Variants in EDC3 observed in about 807,000 individuals in gnomAD.
EDC3 encodes enhancer of mRNA decapping 3.
EDC3 carries 20 observed loss-of-function variants against 41.8 expected under a neutral mutation model. The observed-to-expected ratio is 0.48, with a 90% confidence interval of 0.34 to 0.70. The LOEUF (loss-of-function observed/expected upper bound fraction) is 0.70, where lower values mean the gene tolerates loss of function less well. EDC3 is among the 30% of genes least tolerant of loss of function. EDC3 has a pLI of 0.01. For missense variants in EDC3, 444 were observed against 636.8 expected, an observed-to-expected ratio of 0.70 and a Z score of 3.26; for synonymous variants, 206 against 243.2, an observed-to-expected ratio of 0.85 and a Z score of 1.42.
rs972693123 is a variant in EDC3 at position 74,635,723 on chromosome 15, T to G, written c.975-97A>C. 3 of 1,154,076 alleles carry G rather than the reference T, an allele frequency of 2.6e-6. No homozygotes were observed. In the East Asian group the frequency reaches 7.6e-5, roughly 29 times the overall value. The allele number at this position is 1,154,076 out of a possible 1,614,324, so 71.5% of individuals were successfully genotyped here. ...GCCTGTAGCACCTATTGGTCTCAGA[T>G]CTCTTACCCACTGCTCACCAAGTCC... On this transcript the variant is annotated intron_variant, in intron 5 of 6. Coordinates refer to ENST00000315127, the MANE Select transcript of EDC3 (RefSeq NM_025083.5).
chr15:74,679,140 T>C (rs903910222), intron 1 of EDC3, among the ~76,000 whole-genome samples: 6 of 151,782 alleles, frequency 4.0e-5, no homozygotes, highest in Non-Finnish European at 8.8e-5. Context: ...AGGTTGCAGT[T>C]AGCCAAGATC....
rs919117668 is a variant in EDC3, at chr15:74,671,297, G to A, written c.484+158C>T. Among the ~76,000 whole-genome samples the A allele has an allele frequency of 1.5e-4, 23 of 152,328 alleles. 1 individual carries two copies. In the South Asian group the frequency reaches 1.9e-3, roughly 12 times the overall value. ...CCTTTCCCTTAACATCTTGAGGAAT[G>A]AGGCCTGGAGGAAGAGAACCATGTT... On this transcript the variant is annotated intron_variant, in intron 3 of 6. Transcript: ENST00000315127. The surrounding 1 kb of genome is among the most constrained non-coding windows in gnomAD (Gnocchi z 4.6).
At chr15:74,695,204 G>C (rs1470564024) in intron 1 of EDC3, 2 of 152,054 alleles carry the variant, frequency 1.3e-5, no homozygotes, top group African/African-American at 4.8e-5. Context: ...CAATTGAAGA[G>C]TTAGGCGAAG....
chr15:74,662,941 C>A (rs1381314982), intron 3 of EDC3, among the ~76,000 whole-genome samples: 25 of 152,198 alleles, frequency 1.6e-4, no homozygotes, highest in Admixed American at 1.5e-3. Flanking sequence ...GCAGGTCAGA[C>A]TTGCCAAATG....
chr15:74,687,815 C>T (rs74025822), intron 1 of EDC3, among the ~76,000 whole-genome samples: 2,567 of 152,308 alleles, frequency 0.017, 81 homozygotes, highest in African/African-American at 0.058. Flanking sequence ...CCTTTCCTAT[C>T]ATTTATAATC....
intron 5 of EDC3, chr15:74,637,431 C>T (rs2062287752): frequency 6.6e-6 from 1 of 152,234 alleles, no homozygotes; most frequent in South Asian, 2.1e-4. Flanking sequence ...GTGCAGGAGA[C>T]ACCAGACACA....
intron 3 of EDC3, among the ~76,000 whole-genome samples, chr15:74,661,825 T>TAATTC (rs1284454613): frequency 4.1e-5 from 6 of 147,186 alleles, no homozygotes; most frequent in Non-Finnish European, 9.1e-5. Flanking sequence ...GTCAAATAAA[T>TAATTC]AATTCAAAGG....
chr15:74,640,828 T>G, intron 4 of EDC3: 1 of 605,166 alleles, frequency 1.7e-6, no homozygotes, highest in Non-Finnish European at 2.8e-6. Context: ...TTGTTCCAGG[T>G]CACCACAGAG....
At chr15:74,689,558 T>G (rs2062979040) in intron 1 of EDC3, among the ~76,000 whole-genome samples, 1 of 152,106 alleles carries the variant, frequency 6.6e-6, no homozygotes, top group African/African-American at 2.4e-5. Context: ...GGAGTCTCGC[T>G]CTTTCGCCCA....
chr15:74,648,035 T>C (rs1426810398), intron 4 of EDC3, among the ~76,000 whole-genome samples: 6 of 152,134 alleles, frequency 3.9e-5, no homozygotes, highest in Admixed American at 3.3e-4. Context: ...GTTGGGTCTA[T>C]GGGTGAGAAG....
At chr15:74,693,782 G>A (rs1485045708) in intron 1 of EDC3, among the ~76,000 whole-genome samples, 2 of 152,032 alleles carry the variant, frequency 1.3e-5, no homozygotes, top group South Asian at 2.1e-4. Context: ...TCGGGAGTTC[G>A]AGACCAGCCC....
chr15:74,655,585 C>T, intron 4 of EDC3, 148 bp downstream of exon 4: 2 of 760,536 alleles, frequency 2.6e-6, no homozygotes, highest in Non-Finnish European at 4.1e-6. Flanking sequence ...GGCTGCAATC[C>T]CCAAGAGACA....
At chr15:74,650,864 G>C (rs959341960) in intron 4 of EDC3, among the ~76,000 whole-genome samples, 2 of 152,122 alleles carry the variant, frequency 1.3e-5, no homozygotes, top group African/African-American at 4.8e-5. Flanking sequence ...CAGGTGTGGT[G>C]GTGTGTGCCT....
chr15:74,680,177 T>C (rs997679363), intron 1 of EDC3, among the ~76,000 whole-genome samples: 15 of 138,526 alleles, frequency 1.1e-4, no homozygotes, highest in African/African-American at 3.6e-4. Flanking sequence ...AGGAGAATGA[T>C]GGGAACCCAG....
chr15:74,665,535 AAAC>A (rs2141636558), intron 3 of EDC3, among the ~76,000 whole-genome samples: 1 of 152,288 alleles, frequency 6.6e-6, no homozygotes, highest in African/African-American at 2.4e-5. Flanking sequence ...GCTGCACCCT[AAAC>A]AAGGCTTGGT....
At chr15:74,648,345 CT>C (rs1366937666) in intron 4 of EDC3, among the ~76,000 whole-genome samples, 1 of 152,208 alleles carries the variant, frequency 6.6e-6, no homozygotes, top group Non-Finnish European at 1.5e-5. Context: ...AGGAAGGCAG[CT>C]ACGGCTCAGA....
At chr15:74,634,958 T>A in intron 6 of EDC3, 1 of 411,074 alleles carries the variant, frequency 2.4e-6, no homozygotes, top group Admixed American at 2.7e-5. Context: ...AGGCCCATCA[T>A]GACCTGACCC....
At chr15:74,655,539 G>C (rs2062535844) in intron 4 of EDC3, among the ~76,000 whole-genome samples, 194 bp downstream of exon 4, 1 of 152,104 alleles carries the variant, frequency 6.6e-6, no homozygotes. Context: ...GACATCTACA[G>C]AAATTACCCC....
chr15:74,632,388 G>A lies in EDC3; in HGVS notation c.*224C>T, dbSNP rs751843666. The A allele has an allele frequency of 1.7e-6, 1 of 593,056 alleles. No homozygotes were observed. The highest frequency in any genetic ancestry group is 3.0e-6 in the Non-Finnish European group (1 of 336,878). 36.7% of individuals were successfully genotyped at this position (593,056 alleles called of 1,614,324 possible). On this transcript the variant is annotated 3_prime_UTR_variant, in exon 7 of 7. Coordinates refer to ENST00000315127, the MANE Select transcript of EDC3 (RefSeq NM_025083.5). The surrounding 1 kb of genome is among the most constrained non-coding windows in gnomAD (Gnocchi z 4.0). ...GGGGCTGAGGGTAGAGATGCCTGGAGTTGCTGCACGCTCAGCCTGCCACCC... is the reference window on the plus strand; with the variant it reads ...GGGGCTGAGGGTAGAGATGCCTGGAATTGCTGCACGCTCAGCCTGCCACCC...
Sources: gnomAD v4.1 joint callset for allele counts (sites outside exome capture counted in the v4.1 genomes callset) on GRCh38, gnomAD v4.1.1 for gene constraint, Gnocchi (gnomAD v3.1) non-coding constraint, MANE v1.5 for transcripts, NCBI Gene and HGNC (gene_info 2026-07-23, HGNC 2026-07-21) for gene names.